MICU2: variants seen among roughly 807,000 people sequenced by gnomAD.
The protein encoded by MICU2 is calcium uptake protein 2, mitochondrial.
Under a neutral mutation model 60.4 loss-of-function variants are expected in MICU2, and 64 were observed. The ratio of observed to expected loss-of-function variants is 1.06; its 90% CI spans 0.87 to 1.31. MICU2 has a LOEUF of 1.31. Ranked by LOEUF, MICU2 falls within the 50% of genes most tolerant of loss-of-function variation. The pLI, the probability that MICU2 is intolerant of heterozygous loss-of-function variation, is 0.00. For missense variants in MICU2, 569 were observed against 531.0 expected (o/e 1.07, Z -0.70); for synonymous variants, 201 against 175.0 (o/e 1.15, Z -1.17).
intron 4 of MICU2, among the ~76,000 whole-genome samples, chr13:21,523,787 T>A (rs1442442816): frequency 6.6e-6 from 1 of 152,234 alleles, no homozygotes; most frequent in Non-Finnish European, 1.5e-5. Flanking sequence ...GCAGGATTTC[T>A]GATGCAAATG....
intron 1 of MICU2, among the ~76,000 whole-genome samples, chr13:21,569,184 T>A (rs952425756): frequency 2.0e-5 from 3 of 152,144 alleles, no homozygotes; most frequent in Admixed American, 1.3e-4. Flanking sequence ...ACCTCTGAAT[T>A]TGTCCGACTG....
At chr13:21,555,791 GA>G (rs1887693187) in intron 2 of MICU2, among the ~76,000 whole-genome samples, 2 of 151,858 alleles carry the variant, frequency 1.3e-5, no homozygotes, top group South Asian at 2.1e-4. Flanking sequence ...AATTCACTGA[GA>G]AAAAAAGAAA....
At chr13:21,547,235 A>G (rs1021344405) in intron 2 of MICU2, among the ~76,000 whole-genome samples, 28 of 152,184 alleles carry the variant, frequency 1.8e-4, no homozygotes, top group African/African-American at 6.5e-4. Context: ...TCCACTTTTG[A>G]TGGGGAGTGA....
At chr13:21,545,761 G>A (rs1887402200) in intron 2 of MICU2, among the ~76,000 whole-genome samples, 1 of 152,146 alleles carries the variant, frequency 6.6e-6, no homozygotes, top group Non-Finnish European at 1.5e-5. Flanking sequence ...AGAGGGATAG[G>A]AAGAGATTTG....
chr13:21,518,449 C>A (rs886094746), intron 6 of MICU2, among the ~76,000 whole-genome samples: 2 of 152,226 alleles, frequency 1.3e-5, no homozygotes, highest in Non-Finnish European at 2.9e-5. Flanking sequence ...ATGACACCCA[C>A]TATTATTATC....
intron 1 of MICU2, among the ~76,000 whole-genome samples, chr13:21,578,900 C>T (rs1323891): frequency 0.2 from 30,537 of 152,118 alleles, 4,097 homozygotes; most frequent in East Asian, 0.66. Flanking sequence ...CCTTATTTTT[C>T]GCTAAGCATA....
intron 1 of MICU2, among the ~76,000 whole-genome samples, chr13:21,581,063 T>G (rs151132908): frequency 1.3e-5 from 2 of 152,122 alleles, no homozygotes; most frequent in South Asian, 4.1e-4. Context: ...AGCAGTAATA[T>G]AGTGACATAA....
At chr13:21,533,137 G>A (rs1887044104) in intron 4 of MICU2, among the ~76,000 whole-genome samples, 1 of 152,108 alleles carries the variant, frequency 6.6e-6, no homozygotes, top group African/African-American at 2.4e-5. Context: ...AGATGCAACA[G>A]CAGATTTGGA....
chr13:21,536,337 A>C (rs1200039), intron 4 of MICU2, among the ~76,000 whole-genome samples: 52,278 of 151,212 alleles, frequency 0.35, 9,334 homozygotes, highest in South Asian at 0.4. Flanking sequence ...TTTAAAACTA[A>C]ATTTTTTTTT....
At chr13:21,515,230 C>T (rs1371395033) in intron 6 of MICU2, among the ~76,000 whole-genome samples, 1 of 151,866 alleles carries the variant, frequency 6.6e-6, no homozygotes, top group African/African-American at 2.4e-5. Context: ...TACAGGCACC[C>T]GCCACCATGC....
At chr13:21,536,065 T>C (rs1258999172) in intron 4 of MICU2, among the ~76,000 whole-genome samples, 2 of 152,098 alleles carry the variant, frequency 1.3e-5, no homozygotes, top group Non-Finnish European at 2.9e-5. Context: ...AACCTCAAAG[T>C]CTATAGGGAT....
At chr13:21,588,335 T>A (rs965152586) in intron 1 of MICU2, among the ~76,000 whole-genome samples, 1 of 152,200 alleles carries the variant, frequency 6.6e-6, no homozygotes, top group African/African-American at 2.4e-5. Context: ...AGGCCCAAAC[T>A]GTCCCCTTTC....
chr13:21,578,413 C>A (rs1195503857), intron 1 of MICU2, among the ~76,000 whole-genome samples: 4 of 152,028 alleles, frequency 2.6e-5, no homozygotes, highest in Non-Finnish European at 4.4e-5. Context: ...ACAGGGAGAC[C>A]CCATCTCTAA....
chr13:21,589,184 T>C (rs1210568545), intron 1 of MICU2, among the ~76,000 whole-genome samples: 1 of 152,194 alleles, frequency 6.6e-6, no homozygotes, highest in African/African-American at 2.4e-5. Context: ...CTCTACCCAA[T>C]GAGTTAGCCT....
intron 2 of MICU2, among the ~76,000 whole-genome samples, chr13:21,544,213 A>T (rs1010582050): frequency 6.6e-6 from 1 of 152,196 alleles, no homozygotes; most frequent in African/African-American, 2.4e-5. Flanking sequence ...AAACCACTTT[A>T]AGAAAACAGG....
chr13:21,583,413 T>C (rs1342117124), intron 1 of MICU2, among the ~76,000 whole-genome samples: 1 of 152,222 alleles, frequency 6.6e-6, no homozygotes, highest in African/African-American at 2.4e-5. Context: ...GGTTTCCTGG[T>C]TGAACCCCAA....
At chr13:21,575,663 A>C (rs1401212267) in intron 1 of MICU2, among the ~76,000 whole-genome samples, 1 of 142,630 alleles carries the variant, frequency 7.0e-6, no homozygotes, top group African/African-American at 2.6e-5. Context: ...CTTGGAGGTC[A>C]AGGCTCCAGT....
intron 4 of MICU2, among the ~76,000 whole-genome samples, chr13:21,529,521 G>A (rs1378951370): frequency 6.6e-6 from 1 of 152,232 alleles, no homozygotes; most frequent in Non-Finnish European, 1.5e-5. Flanking sequence ...AGAGTAGTAA[G>A]TGAAGGACAA....
chr13:21,540,105 A>G (rs926655162), intron 2 of MICU2, among the ~76,000 whole-genome samples: 3 of 152,198 alleles, frequency 2.0e-5, no homozygotes, highest in African/African-American at 7.2e-5. Context: ...TGAACTCTGG[A>G]AAGTCCTCTT....
Sources: gnomAD v4.1 joint callset for allele counts (sites outside exome capture counted in the v4.1 genomes callset) on GRCh38, gnomAD v4.1.1 for gene constraint, MANE v1.5 for transcripts, NCBI Gene and HGNC (gene_info 2026-07-23, HGNC 2026-07-21) for gene names.